Variants in WNT5A observed in about 807,000 individuals in gnomAD.
The protein encoded by WNT5A is protein Wnt-5a.
WNT5A carries 9 observed loss-of-function variants against 42.1 expected under a neutral mutation model. The observed-to-expected ratio is 0.21, with a 90% CI of 0.13 to 0.37. The LOEUF (loss-of-function observed/expected upper bound fraction) is 0.37, where lower values mean the gene tolerates loss of function less well. WNT5A is among the 10% of genes least tolerant of loss of function. The pLI is 1.00. For missense variants in WNT5A, 426 were observed against 534.0 expected (o/e 0.80, Z 1.99); for synonymous variants, 210 against 210.0 (o/e 1.00, Z 0.00).
At chr3:55,474,710 A>T in intron 3 of WNT5A, 81 bp from the exon 4 acceptor site, 11 of 413,020 alleles carry the variant, frequency 2.7e-5, no homozygotes, top group Non-Finnish European at 3.4e-5. Context: ...GGTGGGGGCA[A>T]GGTAGGGAAT....
chr3:55,480,134 T>A (rs1315575519), intron 2 of WNT5A, among the ~76,000 whole-genome samples: 1 of 152,134 alleles, frequency 6.6e-6, no homozygotes, highest in Non-Finnish European at 1.5e-5. Flanking sequence ...TGAACAGAAG[T>A]CATGTTTGAC....
upstream of WNT5A, chr3:55,488,335 C>T (rs1371213764): frequency 1.3e-4 from 19 of 150,620 alleles, no homozygotes; most frequent in African/African-American, 3.4e-4. Flanking sequence ...TCCCACCCCC[C>T]AGCCCTTCTG....
Position 55,483,416 on chromosome 3 carries a change from C to G in WNT5A, c.7-2498G>C, listed in dbSNP as rs114806499. The stretch of plus-strand genomic sequence containing the variant: ...AGAACTCACAGCGAACTCACACATA[C>G]ATCGGCTCTGTAGGGTAAAACATCC... On this transcript the variant is annotated intron_variant, in intron 1 of 4. Transcript: ENST00000264634. This position sits in a 1 kb window ranked among gnomAD's most constrained non-coding sequence, Gnocchi z 4.2. Among the ~76,000 whole-genome samples the G allele has an allele frequency of 2.0e-5, 3 of 152,162 alleles. No homozygotes were observed. The highest frequency in any genetic ancestry group is 4.4e-5 in the Non-Finnish European group (3 of 68,032).
chr3:55,470,679 T>C (rs2051233737), intron 4 of WNT5A, 129 bp from the exon 5 acceptor site: 5 of 847,440 alleles, frequency 5.9e-6, no homozygotes, highest in Non-Finnish European at 8.6e-6. Context: ...CTGTATTATA[T>C]TTCCTTCATT....
At position 55,469,803 on chromosome 3, in the gene WNT5A, G is replaced by C; in HGVS notation, c.*289C>G. On this transcript the variant is annotated 3_prime_UTR_variant, in exon 5 of 5. Transcript: ENST00000264634. ...TGTCCACACAGCTAAGTTAGGGTATGTGTTATTTCCCCTTCATTCTATACT... is the reference window on the plus strand; with the variant it reads ...TGTCCACACAGCTAAGTTAGGGTATCTGTTATTTCCCCTTCATTCTATACT... The C allele has an allele frequency of 3.1e-6, 1 of 326,340 alleles. No individual in the cohort carries two copies. Among genetic ancestry groups the C allele is most frequent in the South Asian group, 4.2e-5 (1 of 23,746 alleles). The allele number at this position is 326,340 out of a possible 1,614,324, so 20.2% of individuals were successfully genotyped here.
At chr3:55,501,916 G>T in the WNT5A span, 1 of 152,180 alleles carries the variant, frequency 6.6e-6, no homozygotes, top group East Asian at 1.9e-4. Context: ...AAATTACTCT[G>T]TTATCAATTT....
rs373551170 is a variant in WNT5A, at chr3:55,478,405, C to T, written c.391+909G>A. On this transcript the variant is annotated intron_variant, in intron 3 of 4. Transcript: ENST00000264634. Reference sequence around the variant, plus strand: ...GACAGTTAATTGCCTTGATAAATTGCTTCTTACTTTGGGAGTCACTGCAGT... The same window carrying T: ...GACAGTTAATTGCCTTGATAAATTGTTTCTTACTTTGGGAGTCACTGCAGT... 1.1e-4 allele frequency among the ~76,000 whole-genome samples: 16 copies of T among 152,154 alleles called. No individual in the cohort carries two copies. In the East Asian group the frequency reaches 1.5e-3, roughly 15 times the overall value.
chr3:55,493,592 A>G (rs2051685056), upstream of WNT5A, among the ~76,000 whole-genome samples: 1 of 152,186 alleles, frequency 6.6e-6, no homozygotes, highest in African/African-American at 2.4e-5. Flanking sequence ...CCTTGTTCAT[A>G]GTTGTGACAC....
At chr3:55,490,910 T>C (rs1283895513), upstream of WNT5A, among the ~76,000 whole-genome samples, 1 of 152,218 alleles carries the variant, frequency 6.6e-6, no homozygotes, top group Non-Finnish European at 1.5e-5. Flanking sequence ...CAAAACCGTC[T>C]AGTCCCAAGG....
At chr3:55,486,436 C>CA (rs1327535174) in intron 1 of WNT5A, among the ~76,000 whole-genome samples, 1 of 152,230 alleles carries the variant, frequency 6.6e-6, no homozygotes, top group Non-Finnish European at 1.5e-5. Context: ...GGCAAGCCTA[C>CA]AATCTGGCCT....
rs1391973991 is a variant in WNT5A at position 55,469,140 on chromosome 3, A to C, written c.*952T>G. The C allele has an allele frequency of 6.6e-6, 1 of 152,182 alleles. No homozygotes were observed. The allele number at this position is 152,182 out of a possible 1,614,324, so 9.4% of individuals were successfully genotyped here. On this transcript the variant is annotated 3_prime_UTR_variant, in exon 5 of 5. Transcript: ENST00000264634. ...TCTGGTGCAGTGCTGAATGGCACGC[A>C]ATTACCTTGTTGCTTGGGCTGAGAA... is the stretch of plus-strand genomic sequence containing the variant.
In WNT5A at chr3:55,483,904, A is replaced by T. The variant is rs1228655770; in HGVS notation, c.7-2986T>A. ...CAGAGGACGTTCGGAGGGCGCGGGG[A>T]GCAGCCGGATGCACACCTAAAGTCT... On this transcript the variant is annotated intron_variant, in intron 1 of 4. Transcript: ENST00000264634. This position sits in a 1 kb window ranked among gnomAD's most constrained non-coding sequence, Gnocchi z 4.2. 6.6e-6 allele frequency among the ~76,000 whole-genome samples: 1 copy of T among 152,044 alleles called. No homozygotes were observed. Among genetic ancestry groups the T allele is most frequent in the Non-Finnish European group, 1.5e-5 (1 of 67,992 alleles).
rs2051157282 is a variant in WNT5A at position 55,467,142 on chromosome 3, C to T, written c.*2950G>A. 6.6e-6 allele frequency: 1 copy of T among 152,106 alleles called. No individual in the cohort carries two copies. Among genetic ancestry groups the T allele is most frequent in the African/African-American group, 2.4e-5 (1 of 41,412 alleles). 9.4% of individuals were successfully genotyped at this position (152,106 alleles called of 1,614,324 possible). ...GGGCATAGAGACACCACACATGGTC[C>T]ACAGTAAATTCAAATAGAGAGGTGC... On this transcript the variant is annotated 3_prime_UTR_variant, in exon 5 of 5. Transcript: ENST00000264634.
chr3:55,489,100 C>T (rs1377422100), upstream of WNT5A: 2 of 152,128 alleles, frequency 1.3e-5, no homozygotes, highest in African/African-American at 4.8e-5. Flanking sequence ...GTTCCGGGCA[C>T]CGGAATTTCT....
upstream of WNT5A, among the ~76,000 whole-genome samples, chr3:55,489,496 C>T (rs1156910334): frequency 1.3e-5 from 2 of 152,064 alleles, no homozygotes; most frequent in Non-Finnish European, 2.9e-5. Flanking sequence ...TTCCACCCTC[C>T]ACAGCCCCTT....
chr3:55,486,162 C>T (rs2051574094), intron 1 of WNT5A, among the ~76,000 whole-genome samples: 1 of 152,124 alleles, frequency 6.6e-6, no homozygotes, highest in Non-Finnish European at 1.5e-5. Flanking sequence ...GCCTGCTCTC[C>T]CAAAGCGGAG....
At chr3:55,503,428 A>G in the WNT5A span, among the ~76,000 whole-genome samples, 16 of 152,320 alleles carry the variant, frequency 1.1e-4, no homozygotes, top group South Asian at 3.3e-3. Flanking sequence ...TGAGGAAACA[A>G]ACACAGAGAG....
Position 55,487,272 on chromosome 3 carries a change from G to T in WNT5A, c.-287C>A. ...GGCCTGGTCGGGGCGCAACTAGGGAGCCGCCGGTCCGGCGAGGGCGCGCAG... is the reference window on the plus strand; with the variant it reads ...GGCCTGGTCGGGGCGCAACTAGGGATCCGCCGGTCCGGCGAGGGCGCGCAG... On this transcript the variant is annotated 5_prime_UTR_variant, in exon 1 of 5. Transcript: ENST00000264634. 1 of 439,774 alleles carries T rather than the reference G, an allele frequency of 2.3e-6. No individual in the cohort carries two copies. Among genetic ancestry groups the T allele is most frequent in the Non-Finnish European group, 4.0e-6 (1 of 251,888 alleles). The allele number at this position is 439,774 out of a possible 1,614,324, so 27.2% of individuals were successfully genotyped here.
chr3:55,492,027 G>A (rs1028173879), upstream of WNT5A, among the ~76,000 whole-genome samples: 3 of 152,232 alleles, frequency 2.0e-5, no homozygotes, highest in African/African-American at 7.2e-5. Context: ...TGGATTCTGG[G>A]TTGACTCCAG....
Sources: gnomAD v4.1 joint callset for allele counts (sites outside exome capture counted in the v4.1 genomes callset) on GRCh38, gnomAD v4.1.1 for gene constraint, Gnocchi (gnomAD v3.1) non-coding constraint, MANE v1.5 for transcripts, NCBI Gene and HGNC (gene_info 2026-07-23, HGNC 2026-07-21) for gene names.